Variants in POLE observed in about 807,000 individuals in gnomAD.
POLE encodes DNA polymerase epsilon catalytic subunit A.
POLE carries 188 observed loss-of-function variants against 279.2 expected under a neutral mutation model. That is an observed-to-expected ratio of 0.67 (90% CI 0.60 to 0.76). POLE has a LOEUF of 0.76. POLE is among the 30% of genes least tolerant of loss of function. POLE has a pLI of 0.00. For synonymous variants in POLE, 1,214 were observed against 1,172.5 expected (o/e 1.04, Z -0.72); for missense variants, 2,703 against 3,016.7 (o/e 0.90, Z 2.44).
rs897232268 is a variant in POLE at position 132,632,716 on chromosome 12, C to T, written c.6084G>A (p.Arg2028=). ...SAPGSTPVRR[R]GASQLSQEAE... ...CCTCCTGGGAGAGCTGGCTGGCCCC[C>T]CTCCTCCTCACGGGGGTGCTCCCTG... Residue 2028 remains arginine (R), a synonymous_variant, in exon 44 of 49, where the codon AGG becomes AGA. Transcript: ENST00000320574. 2 of 1,613,708 alleles carry T rather than the reference C, an allele frequency of 1.2e-6. No individual in the cohort carries two copies. Among genetic ancestry groups the T allele is most frequent in the South Asian group, 1.1e-5 (1 of 91,076 alleles).
At chr12:132,673,360 C>T in intron 13 of POLE, 83 bp from the exon 14 acceptor site, 1 of 1,175,522 alleles carries the variant, frequency 8.5e-7, no homozygotes. Context: ...CAAAGCCTGG[C>T]CTGACCAGCC....
chr12:132,678,070 TG>T (rs1234973714), intron 6 of POLE, among the ~76,000 whole-genome samples: 1 of 151,970 alleles, frequency 6.6e-6, no homozygotes, highest in East Asian at 1.9e-4. Flanking sequence ...CCCAGATACC[TG>T]GGAGGCTGAG....
chr12:132,663,933 G>A (rs2042732075), intron 23 of POLE, 71 bp downstream of exon 23: 13 of 1,546,530 alleles, frequency 8.4e-6, no homozygotes, highest in South Asian at 1.1e-5. Flanking sequence ...GTGAGGTGCT[G>A]CAGAGCCAGT....
intron 29 of POLE, among the ~76,000 whole-genome samples, chr12:132,653,811 T>G (rs2138636728): frequency 6.6e-6 from 1 of 152,188 alleles, no homozygotes; most frequent in East Asian, 1.9e-4. Flanking sequence ...TCAAGAACAC[T>G]TTATCAGGTT....
At chr12:132,681,042 T>C (rs980399595) in intron 2 of POLE, 96 bp downstream of exon 2, 2 of 1,418,318 alleles carry the variant, frequency 1.4e-6, no homozygotes, top group African/African-American at 2.8e-5. Flanking sequence ...TCACTCAAAG[T>C]TCCCTCATGT....
chr12:132,658,898 A>AAAG (rs1327984287), intron 26 of POLE, among the ~76,000 whole-genome samples: 1 of 151,130 alleles, frequency 6.6e-6, no homozygotes, highest in Admixed American at 6.6e-5. Context: ...AAAAAAAAAA[A>AAAG]AAAAAAAAAA....
At chr12:132,671,392 C>A (rs1316813512) in intron 16 of POLE, among the ~76,000 whole-genome samples, 1 of 151,124 alleles carries the variant, frequency 6.6e-6, no homozygotes, top group East Asian at 1.9e-4. Flanking sequence ...TGAGATAGGC[C>A]AGGCGCGGTG....
chr12:132,666,427 A>G (rs1459792331), intron 20 of POLE, among the ~76,000 whole-genome samples: 1 of 152,228 alleles, frequency 6.6e-6, no homozygotes, highest in East Asian at 1.9e-4. Context: ...GTCTCTACCA[A>G]ACATACAACG....
At chr12:132,676,992 A>G (rs974598440) in intron 8 of POLE, among the ~76,000 whole-genome samples, 1 of 152,216 alleles carries the variant, frequency 6.6e-6, no homozygotes, top group Non-Finnish European at 1.5e-5. Context: ...TCATTTCGGA[A>G]AAGAGAAAAC....
intron 29 of POLE, chr12:132,650,177 C>G (rs1376330153): frequency 9.9e-6 from 4 of 405,248 alleles, no homozygotes; most frequent in Admixed American, 7.9e-5. Context: ...CCACTGAACT[C>G]CAGCCTGGGC....
Position 132,642,574 on chromosome 12 carries a change from T to A in POLE, c.4884A>T (p.Gly1628=), listed in dbSNP as rs2138534570. The A allele has an allele frequency of 6.2e-7, 1 of 1,613,446 alleles. No homozygotes were observed. Among genetic ancestry groups the A allele is most frequent in the Middle Eastern group, 1.6e-4 (1 of 6,062 alleles). ...GGTAGTGACGGATCATGCGCCGGGC[T>A]CCATGGCGCTGCCAGTCCAGGACCC... ...NYGVLDWQRH[G]ARRMIRHYLN... is the part of the protein sequence containing the mutation. Residue 1628 remains glycine, a synonymous_variant, in exon 37 of 49, where the codon GGA becomes GGT. Coordinates refer to ENST00000320574, the MANE Select transcript of POLE (RefSeq NM_006231.4).
Position 132,661,749 on chromosome 12 carries a change from G to A in POLE, c.2707-65C>T. 6.4e-7 allele frequency: 1 copy of A among 1,554,354 alleles called. No homozygotes were observed. Among genetic ancestry groups the A allele is most frequent in the Non-Finnish European group, 8.8e-7 (1 of 1,135,686 alleles). The stretch of plus-strand genomic sequence containing the variant: ...ATGGCCCAAACCTGGAAACCACCTG[G>A]TGTCCCTCCAGGAGTGGATGGATTG... On this transcript the variant is annotated intron_variant, in intron 23 of 48. Coordinates refer to ENST00000320574, the MANE Select transcript of POLE (RefSeq NM_006231.4). This position sits in a 1 kb window ranked among gnomAD's most constrained non-coding sequence, Gnocchi z 4.1.
intron 32 of POLE, among the ~76,000 whole-genome samples, chr12:132,646,799 CCAG>C (rs1054003879): frequency 4.5e-4 from 47 of 104,336 alleles, no homozygotes; most frequent in African/African-American, 2.2e-3. Flanking sequence ...CCACTGGACT[CCAG>C]CCGGGCAACA....
At position 132,643,332 on chromosome 12, in the gene POLE, T is replaced by C. The variant is rs766538692; in HGVS notation, c.4445-2A>G. ...ACAGGTAGATATGGCGGATACTCCC[T>C]GGAGAAGGAAACAAGACCGTCACCC... On this transcript the variant is annotated splice_acceptor_variant, in intron 34 of 48. Coordinates refer to ENST00000320574, the MANE Select transcript of POLE (RefSeq NM_006231.4). LOFTEE classifies it high-confidence loss of function. 6.2e-7 allele frequency: 1 copy of C among 1,614,064 alleles called. No individual in the cohort carries two copies.
intron 13 of POLE, 111 bp from the exon 14 acceptor site, chr12:132,673,388 G>A (rs1049918640): frequency 1.7e-6 from 2 of 1,155,384 alleles, no homozygotes; most frequent in Non-Finnish European, 1.3e-6. Flanking sequence ...CACACAGTAA[G>A]GAGACCGGCA....
chr12:132,638,842 C>T (rs1251570603), intron 40 of POLE: 4 of 403,156 alleles, frequency 9.9e-6, no homozygotes, highest in Non-Finnish European at 1.4e-5. Context: ...GGCATATTTT[C>T]ACTAAAACAA....
Position 132,673,421 on chromosome 12 carries a change from G to A in POLE, c.1360-144C>T, listed in dbSNP as rs544362967. 2.4e-5 allele frequency: 30 copies of A among 1,243,530 alleles called. 1 individual carries two copies. Among genetic ancestry groups the A allele is most frequent in the East Asian group, 1.6e-4 (7 of 42,984 alleles). The allele number at this position is 1,243,530 out of a possible 1,614,324, so 77.0% of individuals were successfully genotyped here. Reference sequence around the variant, plus strand: ...GCACAGGACAAAACACGTGTGTCCCGGAGACACAGCCTGCTGGGTGGAGCG... The same window carrying A: ...GCACAGGACAAAACACGTGTGTCCCAGAGACACAGCCTGCTGGGTGGAGCG... On this transcript the variant is annotated intron_variant, in intron 13 of 48. Transcript: ENST00000320574.
Position 132,673,167 on chromosome 12 carries a change from G to A in POLE, c.1470C>T (p.Asp490=), listed in dbSNP as rs5744777. The A allele has an allele frequency of 1.3e-3, 2,001 of 1,595,862 alleles. 16 individuals carry two copies. In the African/African-American group the frequency reaches 0.021, roughly 17 times the overall value. ...ALCTIIPMEP[D]EVLRKGSGTL... Reference sequence around the variant, plus strand: ...CGACAGGACAGATAATGCTCACCTCGTCGGGCTCCATGGGAATAATGGTGC... The same window carrying A: ...CGACAGGACAGATAATGCTCACCTCATCGGGCTCCATGGGAATAATGGTGC... Residue 490 remains aspartate (D), a synonymous_variant, in exon 14 of 49, where the codon GAC becomes GAT. Transcript: ENST00000320574.
chr12:132,677,848 T>C (rs2043091400), intron 6 of POLE, 129 bp from the exon 7 acceptor site: 2 of 888,636 alleles, frequency 2.3e-6, no homozygotes, highest in East Asian at 5.0e-5. Flanking sequence ...TAAATTGATG[T>C]GGTTTCAACG....
Sources: allele counts gnomAD v4.1 joint callset (sites outside exome capture counted in the v4.1 genomes callset), GRCh38; gene constraint gnomAD v4.1.1; non-coding constraint Gnocchi (gnomAD v3.1); transcripts MANE v1.5; gene names NCBI Gene and HGNC (gene_info 2026-07-23, HGNC 2026-07-21).